Variants in MYO10 observed in about 807,000 individuals in gnomAD.
MYO10 encodes myosin X.
A neutral mutation model predicts 257.3 loss-of-function variants in MYO10; 133 were observed. The observed-to-expected ratio is 0.52, with a 90% confidence interval of 0.45 to 0.60. The LOEUF is 0.60. Among genes scored for constraint, MYO10 ranks in the 20% least tolerant of loss-of-function variants. MYO10 has a pLI of 0.00. For synonymous variants in MYO10, 1,104 were observed against 1,028.6 expected, an observed-to-expected ratio of 1.07 and a Z score of -1.40; for missense variants, 2,399 against 2,635.7, an observed-to-expected ratio of 0.91 and a Z score of 1.97.
chr5:16,787,059 C>T (rs1007065433), intron 4 of MYO10, among the ~76,000 whole-genome samples: 1 of 152,150 alleles, frequency 6.6e-6, no homozygotes. Flanking sequence ...GTTCCAGCTA[C>T]TCAGGAGGCT....
chr5:16,855,173 A>T (rs75257357), intron 2 of MYO10, among the ~76,000 whole-genome samples: 5,056 of 152,344 alleles, frequency 0.033, 124 homozygotes, highest in Non-Finnish European at 0.052. Flanking sequence ...AACATCTGCA[A>T]ACTATTTTAA....
intron 2 of MYO10, among the ~76,000 whole-genome samples, chr5:16,848,733 T>A (rs545887725): frequency 6.6e-6 from 1 of 152,080 alleles, no homozygotes; most frequent in South Asian, 2.1e-4. Context: ...CTAGTTTGTC[T>A]ACAGCGGCAC....
In MYO10 at chr5:16,766,041, T is replaced by A. The variant is rs377741730; in HGVS notation, c.1179+39A>T. 1.2e-3 allele frequency: 1,666 copies of A among 1,441,784 alleles called. 3 individuals carry two copies. The highest frequency in any genetic ancestry group is 1.5e-3 in the Non-Finnish European group (1,529 of 1,025,256). 89.3% of individuals were successfully genotyped at this position (1,441,784 alleles called of 1,614,324 possible). A position where few individuals can be genotyped will look rare whatever the true frequency, so the allele number is the denominator to read the frequency against. On this transcript the variant is annotated intron_variant, in intron 11 of 40. Transcript: ENST00000513610. ...ACCTATGGATCTGAAAACCCAGGAGTGTCTAGTAACGCAAGATCAGATGGC... is the reference window on the plus strand; with the variant it reads ...ACCTATGGATCTGAAAACCCAGGAGAGTCTAGTAACGCAAGATCAGATGGC...
At chr5:16,669,099 A>G (rs1385374562) in intron 39 of MYO10, among the ~76,000 whole-genome samples, 1 of 152,188 alleles carries the variant, frequency 6.6e-6, no homozygotes, top group East Asian at 1.9e-4. Flanking sequence ...CACAGGGCTG[A>G]TCCAAACCTG....
intron 3 of MYO10, among the ~76,000 whole-genome samples, chr5:16,807,504 C>T (rs1243974201): frequency 1.3e-5 from 2 of 152,112 alleles, no homozygotes; most frequent in Non-Finnish European, 2.9e-5. Flanking sequence ...TTCCCCAAAA[C>T]GCATGCTTAA....
At chr5:16,716,734 C>A (rs1413330470) in intron 19 of MYO10, among the ~76,000 whole-genome samples, 1 of 151,990 alleles carries the variant, frequency 6.6e-6, no homozygotes, top group Non-Finnish European at 1.5e-5. Context: ...ACACAGGAGC[C>A]ATGGGTTTTT....
At chr5:16,798,827 A>G (rs1251292336) in intron 3 of MYO10, among the ~76,000 whole-genome samples, 1 of 152,140 alleles carries the variant, frequency 6.6e-6, no homozygotes, top group African/African-American at 2.4e-5. Context: ...AGCAACAGTC[A>G]ACACTGCCAA....
chr5:16,700,678 AAAC>A lies in MYO10; in HGVS notation c.3432+282_3432+284del, dbSNP rs200754970. Among the ~76,000 whole-genome samples, 999 of 152,304 alleles carry A rather than the reference AAAC, an allele frequency of 6.6e-3. 18 individuals carry two copies. The highest frequency in any genetic ancestry group is 0.023 in the African/African-American group (955 of 41,556). On this transcript the variant is annotated intron_variant, in intron 25 of 40. Coordinates refer to ENST00000513610, the MANE Select transcript of MYO10 (RefSeq NM_012334.3). ...GATGACAGAGAAGACTCCACCTCAAAAACAACAACAACAACAATAAATAAATAA... is the reference window on the plus strand; with the variant it reads ...GATGACAGAGAAGACTCCACCTCAAAAACAACAACAACAATAAATAAATAA...
intron 2 of MYO10, among the ~76,000 whole-genome samples, chr5:16,827,459 G>T (rs1346267851): frequency 6.6e-6 from 1 of 152,044 alleles, no homozygotes; most frequent in Non-Finnish European, 1.5e-5. Flanking sequence ...GCTAATTTTT[G>T]TATTTTTAGT....
intron 2 of MYO10, among the ~76,000 whole-genome samples, chr5:16,836,897 G>A (rs1441542838): frequency 2.0e-5 from 3 of 152,150 alleles, no homozygotes; most frequent in Admixed American, 2.0e-4. Flanking sequence ...TACCATGAAT[G>A]TTCGTACCAG....
chr5:16,744,019 A>T (rs369476918), intron 19 of MYO10, among the ~76,000 whole-genome samples: 1 of 152,198 alleles, frequency 6.6e-6, no homozygotes, highest in Admixed American at 6.5e-5. Context: ...AAAAAAGTCT[A>T]TTAATGTTAA....
At chr5:16,812,539 G>A (rs1742472908) in intron 3 of MYO10, among the ~76,000 whole-genome samples, 1 of 152,162 alleles carries the variant, frequency 6.6e-6, no homozygotes, top group African/African-American at 2.4e-5. Context: ...CAGGACTTCA[G>A]CTATCCAAGG....
At chr5:16,873,817 T>A (rs1220857522) in intron 2 of MYO10, among the ~76,000 whole-genome samples, 1 of 152,116 alleles carries the variant, frequency 6.6e-6, no homozygotes, top group African/African-American at 2.4e-5. Flanking sequence ...GTGGAGTGGC[T>A]GGGAGACAGG....
At chr5:16,902,727 C>G in intron 1 of MYO10, 1 of 761,074 alleles carries the variant, frequency 1.3e-6, no homozygotes, top group African/African-American at 1.7e-5. Flanking sequence ...GTCTCAAACT[C>G]CTGACCTCAG....
At chr5:16,767,319 C>T (rs1461034682) in intron 10 of MYO10, among the ~76,000 whole-genome samples, 1 of 151,414 alleles carries the variant, frequency 6.6e-6, no homozygotes, top group Non-Finnish European at 1.5e-5. Context: ...TACAGGTGCC[C>T]GCCACCAAGC....
intron 19 of MYO10, among the ~76,000 whole-genome samples, chr5:16,747,338 T>C (rs1560962885): frequency 6.9e-6 from 1 of 145,516 alleles, no homozygotes; most frequent in Non-Finnish European, 1.5e-5. Flanking sequence ...ATAAATCAAC[T>C]AAAACAGAAT....
At chr5:16,771,070 G>T (rs1173354895) in intron 9 of MYO10, among the ~76,000 whole-genome samples, 2 of 152,130 alleles carry the variant, frequency 1.3e-5, no homozygotes, top group Admixed American at 1.3e-4. Context: ...GCCAGGCCAA[G>T]ATTAATTTCT....
chr5:16,748,425 G>A (rs1474539462), intron 19 of MYO10, among the ~76,000 whole-genome samples: 1 of 151,804 alleles, frequency 6.6e-6, no homozygotes, highest in African/African-American at 2.4e-5. Context: ...TTGTTTTTTT[G>A]GTAGAGATGG....
At chr5:16,928,817 C>G (rs1347648817) in intron 1 of MYO10, among the ~76,000 whole-genome samples, 2 of 151,424 alleles carry the variant, frequency 1.3e-5, no homozygotes, top group South Asian at 2.1e-4. Context: ...TGCACTCCAG[C>G]CTGGGCGACA....
Sources: allele counts gnomAD v4.1 joint callset (sites outside exome capture counted in the v4.1 genomes callset), GRCh38; gene constraint gnomAD v4.1.1; transcripts MANE v1.5; gene names NCBI Gene and HGNC (gene_info 2026-07-23, HGNC 2026-07-21).